NEGR1: variants seen among roughly 807,000 people sequenced by gnomAD.
NEGR1 encodes the protein neuronal growth regulator 1.
Under a neutral mutation model 40.9 loss-of-function variants are expected in NEGR1, and 10 were observed. The observed-to-expected ratio is 0.24, with a 90% CI of 0.15 to 0.42. The LOEUF (loss-of-function observed/expected upper bound fraction) is 0.42, where lower values mean the gene tolerates loss of function less well. Ranked by LOEUF, NEGR1 falls within the 10% of genes least tolerant of loss-of-function variation. The probability of loss-of-function intolerance (pLI) is 1.00; values close to 1 mark genes in which losing one functional copy is unlikely to be tolerated. For synonymous variants in NEGR1, 185 were observed against 166.8 expected (o/e 1.11, Z -0.84); for missense variants, 352 against 438.9 (o/e 0.80, Z 1.77).
At chr1:72,027,935 G>C (rs1044440708) in intron 1 of NEGR1, among the ~76,000 whole-genome samples, 4 of 152,178 alleles carry the variant, frequency 2.6e-5, no homozygotes, top group African/African-American at 9.7e-5. Context: ...ATTAAGCTTT[G>C]AGAAACACTG....
At chr1:72,074,028 C>T (rs768027233) in intron 1 of NEGR1, among the ~76,000 whole-genome samples, 7 of 151,984 alleles carry the variant, frequency 4.6e-5, no homozygotes, top group Non-Finnish European at 8.8e-5. Context: ...TTCATCAATT[C>T]TATGATACGC....
chr1:71,463,422 G>A lies in NEGR1; in HGVS notation c.941-55852C>T, dbSNP rs1002699145. ...GGAACGAACAATTTTTTTGTGTCAC[G>A]TTTGAACAGATACCTTTGAGAAGTT... On this transcript the variant is annotated intron_variant, in intron 6 of 6. Transcript: ENST00000357731. 5.9e-5 allele frequency: 9 copies of A among 152,054 alleles called. No individual in the cohort carries two copies. The East Asian group carries it at 1.4e-3, about 23-fold the overall frequency. 9.4% of individuals were successfully genotyped at this position (152,054 alleles called of 1,614,324 possible).
At chr1:72,151,150 G>T (rs1480118999) in intron 1 of NEGR1, among the ~76,000 whole-genome samples, 1 of 151,698 alleles carries the variant, frequency 6.6e-6, no homozygotes, top group African/African-American at 2.4e-5. Context: ...ACGAAATGAA[G>T]AACAAAAGGT....
At chr1:71,875,148 A>G (rs2101837001) in intron 2 of NEGR1, among the ~76,000 whole-genome samples, 1 of 152,268 alleles carries the variant, frequency 6.6e-6, no homozygotes, top group East Asian at 1.9e-4. Context: ...TGCCTGGCCA[A>G]GTTTTTCGTT....
At chr1:71,494,584 T>C (rs760871349) in intron 6 of NEGR1, among the ~76,000 whole-genome samples, 5 of 152,160 alleles carry the variant, frequency 3.3e-5, no homozygotes, top group Non-Finnish European at 5.9e-5. Context: ...TAGTGAATTA[T>C]CAAATCCAAG....
intron 6 of NEGR1, among the ~76,000 whole-genome samples, chr1:71,502,635 C>T (rs1469662025): frequency 6.6e-6 from 1 of 152,192 alleles, no homozygotes; most frequent in Non-Finnish European, 1.5e-5. Flanking sequence ...TCTGGGCTTA[C>T]TGGCTCCCTG....
intron 6 of NEGR1, among the ~76,000 whole-genome samples, chr1:71,559,035 A>ATATATACATATATATTCATGTGTATG (rs1648353884): frequency 2.5e-5 from 3 of 120,548 alleles, no homozygotes; most frequent in Non-Finnish European, 5.2e-5. Context: ...ATATATATAT[A>ATATATACATATATATTCATGTGTATG]TATATATATA....
chr1:71,939,116 C>G (rs1224711789), intron 1 of NEGR1, among the ~76,000 whole-genome samples: 1 of 152,128 alleles, frequency 6.6e-6, no homozygotes, highest in Non-Finnish European at 1.5e-5. Flanking sequence ...GTGCTTCCAA[C>G]AAGTCAGGCA....
chr1:71,789,539 T>G (rs1337371946), intron 2 of NEGR1, among the ~76,000 whole-genome samples: 1 of 152,100 alleles, frequency 6.6e-6, no homozygotes, highest in African/African-American at 2.4e-5. Flanking sequence ...GAAAGTGAAC[T>G]AGTCTCTTGG....
chr1:71,693,662 T>G (rs1653372518), intron 4 of NEGR1, among the ~76,000 whole-genome samples: 1 of 151,512 alleles, frequency 6.6e-6, no homozygotes, highest in African/African-American at 2.4e-5. Context: ...GCCCAGTAAA[T>G]TATGGACCAG....
At chr1:72,193,807 G>T (rs1263319463) in intron 1 of NEGR1, among the ~76,000 whole-genome samples, 1 of 151,126 alleles carries the variant, frequency 6.6e-6, no homozygotes, top group African/African-American at 2.4e-5. Flanking sequence ...TCATATTAAG[G>T]TGTATCCCAG....
chr1:72,002,074 T>C (rs1013214089), intron 1 of NEGR1, among the ~76,000 whole-genome samples: 9 of 152,074 alleles, frequency 5.9e-5, no homozygotes, highest in African/African-American at 2.2e-4. Flanking sequence ...TGCTACTACT[T>C]CTCAGAGTTT....
intron 2 of NEGR1, among the ~76,000 whole-genome samples, chr1:71,921,415 G>A (rs756901304): frequency 2.0e-5 from 3 of 151,926 alleles, no homozygotes; most frequent in Non-Finnish European, 2.9e-5. Flanking sequence ...TGTACACTTG[G>A]ATTTTCTTTC....
intron 5 of NEGR1, among the ~76,000 whole-genome samples, chr1:71,594,788 C>A (rs1264173650): frequency 2.0e-5 from 3 of 152,144 alleles, no homozygotes; most frequent in Non-Finnish European, 2.9e-5. Context: ...GTGTAAAAAA[C>A]CAGTTTCATT....
chr1:71,731,419 T>C (rs1312851963), intron 3 of NEGR1, among the ~76,000 whole-genome samples: 1 of 152,166 alleles, frequency 6.6e-6, no homozygotes, highest in South Asian at 2.1e-4. Flanking sequence ...CACCCTGGTG[T>C]CTGAAATTAT....
At chr1:71,718,236 T>A (rs1221491018) in intron 3 of NEGR1, among the ~76,000 whole-genome samples, 1 of 152,150 alleles carries the variant, frequency 6.6e-6, no homozygotes, top group Non-Finnish European at 1.5e-5. Context: ...ATGTGGAAGA[T>A]CCCTCATGAG....
intron 1 of NEGR1, among the ~76,000 whole-genome samples, chr1:72,152,299 T>C (rs1343868865): frequency 2.0e-5 from 3 of 151,886 alleles, no homozygotes; most frequent in Admixed American, 6.6e-5. Flanking sequence ...TTTCAAACAC[T>C]TGTAATTAAA....
chr1:71,489,708 A>T (rs995702840), intron 6 of NEGR1: 1 of 151,412 alleles, frequency 6.6e-6, no homozygotes. Context: ...TCTTAAACAG[A>T]GTTGTCTCAC....
intron 1 of NEGR1, among the ~76,000 whole-genome samples, chr1:71,987,268 A>C (rs968931737): frequency 4.3e-4 from 66 of 152,232 alleles, no homozygotes; most frequent in African/African-American, 1.6e-3. Context: ...TAGGAATAGC[A>C]AGTAGTGAAA....
Sources: allele counts gnomAD v4.1 joint callset (sites outside exome capture counted in the v4.1 genomes callset), GRCh38; gene constraint gnomAD v4.1.1; transcripts MANE v1.5; gene names NCBI Gene and HGNC (gene_info 2026-07-23, HGNC 2026-07-21).